The following CPE variants were observed in gnomAD, a reference collection of about 807,000 sequenced individuals.
CPE encodes the protein carbocypeptidase E.
CPE carries 17 observed loss-of-function variants against 53.5 expected under a neutral mutation model. The observed-to-expected ratio is 0.32, with a 90% CI of 0.22 to 0.48. The LOEUF is 0.48. CPE is among the 20% of genes least tolerant of loss of function. CPE has a pLI of 0.99. For synonymous variants in CPE, 226 were observed against 228.8 expected, an observed-to-expected ratio of 0.99 and a Z score of 0.11; for missense variants, 524 against 614.7, an observed-to-expected ratio of 0.85 and a Z score of 1.56.
At chr4:165,482,384 A>G (rs1428644676) in intron 4 of CPE, 25 bp downstream of exon 4, 1 of 1,502,708 alleles carries the variant, frequency 6.7e-7, no homozygotes, top group Non-Finnish European at 9.3e-7. Flanking sequence ...TGCTTCTCTT[A>G]TTGGTTCAAA....
intron 1 of CPE, among the ~76,000 whole-genome samples, chr4:165,437,925 T>C (rs1283885376): frequency 6.6e-6 from 1 of 152,092 alleles, no homozygotes; most frequent in African/African-American, 2.4e-5. Flanking sequence ...TAATTTAACA[T>C]TGCTTCAGGA....
chr4:165,492,614 G>A (rs981686974), intron 6 of CPE, among the ~76,000 whole-genome samples: 3 of 152,152 alleles, frequency 2.0e-5, no homozygotes, highest in African/African-American at 4.8e-5. Flanking sequence ...CCGCATGAGA[G>A]GGTCGTGATC....
At position 165,469,697 on chromosome 4, in the gene CPE, G is replaced by C. The variant is rs140327659; in HGVS notation, c.672+1842G>C. On this transcript the variant is annotated intron_variant, in intron 3 of 8. Transcript: ENST00000402744. ...ATGTATGTTATTTGTTTATACACCT[G>C]TTTTCCCCTTTGATTCTAGAATTTG... Among the ~76,000 whole-genome samples the C allele has an allele frequency of 3.6e-3, 555 of 152,172 alleles. 6 individuals are homozygous for C. Among genetic ancestry groups the C allele is most frequent in the African/African-American group, 0.012 (518 of 41,518 alleles).
At chr4:165,437,487 C>A (rs1168142064) in intron 1 of CPE, among the ~76,000 whole-genome samples, 1 of 152,228 alleles carries the variant, frequency 6.6e-6, no homozygotes, top group Admixed American at 6.5e-5. Context: ...TAAAGTGAAA[C>A]CCTTTGGGTC....
chr4:165,452,234 C>T (rs959552700), intron 1 of CPE, among the ~76,000 whole-genome samples: 2 of 152,068 alleles, frequency 1.3e-5, no homozygotes, highest in Non-Finnish European at 2.9e-5. Flanking sequence ...ACACTACCGT[C>T]GGTAAATTAT....
intron 3 of CPE, among the ~76,000 whole-genome samples, chr4:165,471,551 A>G (rs1192981999): frequency 3.3e-5 from 5 of 152,246 alleles, no homozygotes; most frequent in Admixed American, 6.5e-5. Context: ...ATTATTTGCC[A>G]TATAGGCTCC....
At chr4:165,436,012 C>T (rs1487885246) in intron 1 of CPE, among the ~76,000 whole-genome samples, 2 of 152,096 alleles carry the variant, frequency 1.3e-5, no homozygotes, top group Admixed American at 1.3e-4. Flanking sequence ...TGGGCTGATT[C>T]TTCTTTGCCA....
At chr4:165,429,753 A>G (rs1233739721) in intron 1 of CPE, among the ~76,000 whole-genome samples, 2 of 152,148 alleles carry the variant, frequency 1.3e-5, no homozygotes. Flanking sequence ...CTTCAAGTTT[A>G]TAGGAAAGAT....
At chr4:165,484,984 G>C (rs974627301) in intron 5 of CPE, among the ~76,000 whole-genome samples, 1 of 152,084 alleles carries the variant, frequency 6.6e-6, no homozygotes, top group East Asian at 1.9e-4. Flanking sequence ...ATTTTAGAGG[G>C]CTTGTTTTGG....
intron 1 of CPE, among the ~76,000 whole-genome samples, chr4:165,380,176 A>G (rs143300825): frequency 2.4e-3 from 360 of 152,282 alleles, no homozygotes; most frequent in Non-Finnish European, 4.1e-3. Flanking sequence ...GTGGTGGTGT[A>G]TAAAGATACG....
At chr4:165,419,294 G>A (rs1041535164) in intron 1 of CPE, among the ~76,000 whole-genome samples, 3 of 152,064 alleles carry the variant, frequency 2.0e-5, no homozygotes, top group African/African-American at 4.8e-5. Context: ...AAGTTTAGAC[G>A]TGTAAAGTAA....
intron 1 of CPE, among the ~76,000 whole-genome samples, chr4:165,402,690 A>G (rs925299840): frequency 1.3e-5 from 2 of 152,160 alleles, no homozygotes. Flanking sequence ...CCATGCTTGT[A>G]CAGCCTGCAG....
chr4:165,432,566 G>T (rs1284623315), intron 1 of CPE, among the ~76,000 whole-genome samples: 1 of 152,152 alleles, frequency 6.6e-6, no homozygotes, highest in African/African-American at 2.4e-5. Context: ...AAAGTGCTGG[G>T]ATTATAGACA....
intron 1 of CPE, chr4:165,405,264 G>T: frequency 1.1e-6 from 1 of 928,312 alleles, no homozygotes; most frequent in Non-Finnish European, 1.8e-6. Context: ...CCTGCACCAG[G>T]AATAGCCAGA....
At chr4:165,475,874 G>A (rs1422019852) in intron 3 of CPE, among the ~76,000 whole-genome samples, 2 of 152,176 alleles carry the variant, frequency 1.3e-5, no homozygotes, top group Non-Finnish European at 1.5e-5. Context: ...AGCCATTGTG[G>A]CTGAGAAGAA....
At chr4:165,482,450 A>G in intron 4 of CPE, 91 bp downstream of exon 4, 1 of 865,188 alleles carries the variant, frequency 1.2e-6, no homozygotes, top group Non-Finnish European at 1.8e-6. Flanking sequence ...TTTTTAAGGA[A>G]CTGAACATTA....
rs368903815 is a variant in CPE, at chr4:165,467,783, G to A, written c.600G>A (p.Val200=). ...NFPDLDRIVY[V]NEKEGGPNNH... is the part of the protein sequence containing the mutation. ...CAGACCTGGATAGGATAGTGTACGT[G>A]AATGAGAAAGAAGGTGGTCCAAATA... The change falls in exon 3 of 9, where the codon GTG becomes GTA. Residue 200 remains valine, a synonymous_variant. Transcript: ENST00000402744. The A allele has an allele frequency of 1.1e-4, 182 of 1,613,670 alleles. No homozygotes were observed. The highest frequency in any genetic ancestry group is 1.4e-4 in the Non-Finnish European group (166 of 1,179,876).
chr4:165,414,931 TA>T (rs960283236), intron 1 of CPE, among the ~76,000 whole-genome samples: 29 of 145,066 alleles, frequency 2.0e-4, no homozygotes, highest in Middle Eastern at 3.5e-3. Flanking sequence ...AGCCATTATT[TA>T]AAAAAAAAAA....
intron 3 of CPE, among the ~76,000 whole-genome samples, chr4:165,480,254 A>G (rs1242133029): frequency 6.6e-6 from 1 of 152,170 alleles, no homozygotes; most frequent in African/African-American, 2.4e-5. Context: ...TCTGTACCTT[A>G]CAGGAATGCA....
Sources: gnomAD v4.1 joint callset for allele counts (sites outside exome capture counted in the v4.1 genomes callset) on GRCh38, gnomAD v4.1.1 for gene constraint, MANE v1.5 for transcripts, NCBI Gene and HGNC (gene_info 2026-07-23, HGNC 2026-07-21) for gene names.